SYNPO2: variants seen among roughly 807,000 people sequenced by gnomAD.
SYNPO2 encodes synaptopodin 2.
Under a neutral mutation model 85.0 loss-of-function variants are expected in SYNPO2, and 56 were observed. The ratio of observed to expected loss-of-function variants is 0.66; its 90% CI spans 0.53 to 0.82. SYNPO2 has a LOEUF of 0.82. Ranked by LOEUF, SYNPO2 falls within the 40% of genes least tolerant of loss-of-function variation. The pLI is 0.00. For synonymous variants in SYNPO2, 602 were observed against 591.1 expected, an observed-to-expected ratio of 1.02 and a Z score of -0.27; for missense variants, 1,575 against 1,534.2, an observed-to-expected ratio of 1.03 and a Z score of -0.44.
intron 1 of SYNPO2, among the ~76,000 whole-genome samples, chr4:118,864,853 G>A (rs892256886): frequency 6.6e-6 from 1 of 152,078 alleles, no homozygotes; most frequent in Non-Finnish European, 1.5e-5. Flanking sequence ...GATGAAACGT[G>A]TTTTTTGCAG....
chr4:118,906,637 G>T (rs974156660), intron 1 of SYNPO2, among the ~76,000 whole-genome samples: 1 of 152,018 alleles, frequency 6.6e-6, no homozygotes, highest in African/African-American at 2.4e-5. Context: ...ATACAGTATT[G>T]TTTGGGGATT....
At chr4:118,883,555 C>T (rs902314061) in intron 1 of SYNPO2, among the ~76,000 whole-genome samples, 1 of 152,134 alleles carries the variant, frequency 6.6e-6, no homozygotes, top group East Asian at 1.9e-4. Flanking sequence ...AATAAATAAT[C>T]ACTTGAGTGA....
chr4:119,052,042 G>A (rs914676759), intron 4 of SYNPO2, among the ~76,000 whole-genome samples: 1 of 152,196 alleles, frequency 6.6e-6, no homozygotes, highest in African/African-American at 2.4e-5. Context: ...GAGTTTCAAA[G>A]TGTCTTCTTA....
intron 1 of SYNPO2, among the ~76,000 whole-genome samples, chr4:118,879,946 C>G (rs1365906455): frequency 1.3e-5 from 2 of 151,824 alleles, no homozygotes; most frequent in East Asian, 1.9e-4. Context: ...CTTTAGAGAC[C>G]CAGGAGCAGC....
intron 1 of SYNPO2, among the ~76,000 whole-genome samples, chr4:118,976,236 G>T (rs868522902): frequency 1.3e-5 from 2 of 152,086 alleles, no homozygotes; most frequent in Non-Finnish European, 2.9e-5. Flanking sequence ...TCGTGGTCTC[G>T]CTGGCTCAGG....
intron 2 of SYNPO2, among the ~76,000 whole-genome samples, chr4:119,023,803 A>G (rs553574110): frequency 6.6e-6 from 1 of 152,336 alleles, no homozygotes; most frequent in South Asian, 2.1e-4. Context: ...GCTTGTTTCA[A>G]GCACTTTGTT....
chr4:119,046,508 T>G (rs1300749440), intron 4 of SYNPO2, among the ~76,000 whole-genome samples: 1 of 152,186 alleles, frequency 6.6e-6, no homozygotes, highest in Non-Finnish European at 1.5e-5. Context: ...CCTCCTATTT[T>G]TGTCCTGGGT....
chr4:119,003,199 G>A (rs959750106), intron 1 of SYNPO2, among the ~76,000 whole-genome samples: 1 of 152,186 alleles, frequency 6.6e-6, no homozygotes, highest in Non-Finnish European at 1.5e-5. Flanking sequence ...GAGGCCTCAG[G>A]AAACTTACAA....
intron 1 of SYNPO2, among the ~76,000 whole-genome samples, chr4:118,880,534 G>A (rs1732064621): frequency 6.6e-6 from 1 of 152,072 alleles, no homozygotes; most frequent in African/African-American, 2.4e-5. Flanking sequence ...TGGATCACGA[G>A]GTCAGGAGTT....
rs899606638 is a variant in SYNPO2, at chr4:119,060,033, A to T, written c.*2099A>T. The T allele has an allele frequency of 3.9e-5, 6 of 152,158 alleles. No individual in the cohort carries two copies. The highest frequency in any genetic ancestry group is 4.4e-5 in the Non-Finnish European group (3 of 68,004). The allele number at this position is 152,158 out of a possible 1,614,324, so 9.4% of individuals were successfully genotyped here. A position where few individuals can be genotyped will look rare whatever the true frequency, so the allele number is the denominator to read the frequency against. On this transcript the variant is annotated 3_prime_UTR_variant, in exon 5 of 5. Coordinates refer to ENST00000307142, the MANE Select transcript of SYNPO2 (RefSeq NM_133477.3). ...AGTGGTTTAATCATTTTAGATTTGAATGTTTTAAGATAGGAGAGACTTAGC... is the reference window on the plus strand; with the variant it reads ...AGTGGTTTAATCATTTTAGATTTGATTGTTTTAAGATAGGAGAGACTTAGC...
Position 119,060,037 on chromosome 4 carries a change from T to G in SYNPO2, c.*2103T>G, listed in dbSNP as rs1357169999. ...GTTTAATCATTTTAGATTTGAATGTTTTAAGATAGGAGAGACTTAGCAGAA... is the reference window on the plus strand; with the variant it reads ...GTTTAATCATTTTAGATTTGAATGTGTTAAGATAGGAGAGACTTAGCAGAA... On this transcript the variant is annotated 3_prime_UTR_variant, in exon 5 of 5. Coordinates refer to ENST00000307142, the MANE Select transcript of SYNPO2 (RefSeq NM_133477.3). 1 of 152,166 alleles carries G rather than the reference T, an allele frequency of 6.6e-6. No individual in the cohort carries two copies. The highest frequency in any genetic ancestry group is 1.5e-5 in the Non-Finnish European group (1 of 68,002). The allele number at this position is 152,166 out of a possible 1,614,324, so 9.4% of individuals were successfully genotyped here.
chr4:118,857,936 G>A (rs1012493108), intron 1 of SYNPO2, among the ~76,000 whole-genome samples: 1 of 152,212 alleles, frequency 6.6e-6, no homozygotes, highest in African/African-American at 2.4e-5. Context: ...TGTTAGTCAT[G>A]CCTTGTTTAC....
At chr4:118,999,172 G>A (rs189258480) in intron 1 of SYNPO2, among the ~76,000 whole-genome samples, 62 of 152,274 alleles carry the variant, frequency 4.1e-4, no homozygotes, top group African/African-American at 1.4e-3. Flanking sequence ...TTTCGAGACA[G>A]GGTCTCACTC....
At chr4:118,910,509 T>C (rs577374972) in intron 1 of SYNPO2, among the ~76,000 whole-genome samples, 1 of 152,286 alleles carries the variant, frequency 6.6e-6, no homozygotes, top group South Asian at 2.1e-4. Context: ...TGTGTGTGTT[T>C]ATGAGAAATA....
intron 1 of SYNPO2, among the ~76,000 whole-genome samples, chr4:118,854,722 A>C (rs374953911): frequency 6.6e-6 from 1 of 152,326 alleles, no homozygotes. Context: ...GTTGTGGTAC[A>C]TCAAAAAATG....
intron 1 of SYNPO2, among the ~76,000 whole-genome samples, chr4:119,011,978 A>G (rs1737322066): frequency 7.3e-6 from 1 of 137,632 alleles, no homozygotes; most frequent in African/African-American, 2.7e-5. Context: ...CTTGGAGTGC[A>G]GTGGAGCCAT....
chr4:118,920,503 T>G (rs1052558598), intron 1 of SYNPO2, among the ~76,000 whole-genome samples: 2 of 152,098 alleles, frequency 1.3e-5, no homozygotes, highest in Admixed American at 6.6e-5. Context: ...GCACCCACAG[T>G]AGGCACAGCA....
chr4:119,023,727 G>C (rs1383816040), intron 2 of SYNPO2, 146 bp downstream of exon 2: 2 of 945,468 alleles, frequency 2.1e-6, no homozygotes, highest in African/African-American at 3.4e-5. Context: ...AAACACCACT[G>C]TGTTTGAAAA....
At chr4:118,993,556 C>T (rs6846002) in intron 1 of SYNPO2, among the ~76,000 whole-genome samples, 52,427 of 152,024 alleles carry the variant, frequency 0.34, 9,132 homozygotes, top group Admixed American at 0.4. Context: ...GTGTAAGCCA[C>T]AGCAATGTCC....
Sources: allele counts gnomAD v4.1 joint callset (sites outside exome capture counted in the v4.1 genomes callset), GRCh38; gene constraint gnomAD v4.1.1; transcripts MANE v1.5; gene names NCBI Gene and HGNC (gene_info 2026-07-23, HGNC 2026-07-21).